SGSM2: variants seen among roughly 807,000 people sequenced by gnomAD.
SGSM2 encodes small G protein signaling modulator 2.
In SGSM2, 89 loss-of-function variants were observed where a neutral mutation model predicts 126.6. That is an observed-to-expected ratio of 0.70 (90% CI 0.59 to 0.84). The LOEUF (loss-of-function observed/expected upper bound fraction) is 0.84, where lower values mean the gene tolerates loss of function less well. Ranked by LOEUF, SGSM2 falls within the 40% of genes least tolerant of loss-of-function variation. The probability of loss-of-function intolerance (pLI) is 0.00; values close to 1 mark genes in which losing one functional copy is unlikely to be tolerated. For missense variants in SGSM2, 1,404 were observed against 1,416.6 expected, an observed-to-expected ratio of 0.99 and a Z score of 0.14; for synonymous variants, 614 against 574.3, an observed-to-expected ratio of 1.07 and a Z score of -0.99.
Position 2,372,795 on chromosome 17 carries a change from G to A in SGSM2, c.1789-158G>A, listed in dbSNP as rs2065935489. 9.9e-7 allele frequency: 1 copy of A among 1,009,808 alleles called. No individual in the cohort carries two copies. The highest frequency in any genetic ancestry group is 1.4e-6 in the Non-Finnish European group (1 of 703,684). The allele number at this position is 1,009,808 out of a possible 1,614,324, so 62.6% of individuals were successfully genotyped here. A position where few individuals can be genotyped will look rare whatever the true frequency, so the allele number is the denominator to read the frequency against. On this transcript the variant is annotated intron_variant, in intron 15 of 23. Transcript: ENST00000268989. This position sits in a 1 kb window ranked among gnomAD's most constrained non-coding sequence, Gnocchi z 6.0. ...CGAGATCTCATCCCACTGTGAGCTGGGGCACGGGAGGACGTGGCCACCCCA... is the reference window on the plus strand; with the variant it reads ...CGAGATCTCATCCCACTGTGAGCTGAGGCACGGGAGGACGTGGCCACCCCA...
In SGSM2 at chr17:2,372,019, G is replaced by C; in HGVS notation, c.1578-171G>C. 1 of 745,178 alleles carries C rather than the reference G, an allele frequency of 1.3e-6. No individual in the cohort carries two copies. Among genetic ancestry groups the C allele is most frequent in the Non-Finnish European group, 2.2e-6 (1 of 451,600 alleles). The allele number at this position is 745,178 out of a possible 1,614,324, so 46.2% of individuals were successfully genotyped here. A position where few individuals can be genotyped will look rare whatever the true frequency, so the allele number is the denominator to read the frequency against. ...CGGGGGCCCCACAGCACTCTGTCCAGGTGGCAGGCAGGGACAGGGCACCCA... is the reference window on the plus strand; with the variant it reads ...CGGGGGCCCCACAGCACTCTGTCCACGTGGCAGGCAGGGACAGGGCACCCA... On this transcript the variant is annotated intron_variant, in intron 13 of 23. Coordinates refer to ENST00000268989, the MANE Select transcript of SGSM2 (RefSeq NM_014853.3). The surrounding 1 kb of genome is among the most constrained non-coding windows in gnomAD (Gnocchi z 6.0).
intron 2 of SGSM2, among the ~76,000 whole-genome samples, chr17:2,355,127 G>A (rs1187581508): frequency 4.4e-5 from 1 of 22,798 alleles, no homozygotes; most frequent in African/African-American, 2.0e-4. Flanking sequence ...TGGAATCGGG[G>A]TGTAAGGGTT....
At chr17:2,377,640 T>C (rs2429917) in intron 21 of SGSM2, 384,017 of 450,188 alleles carry the variant, frequency 0.85, 165,177 homozygotes, top group East Asian at 1. Flanking sequence ...ATAATGCAGC[T>C]CAGAGAGATG....
At chr17:2,364,733 T>C in intron 9 of SGSM2, 70 bp downstream of exon 9, 2 of 1,584,598 alleles carry the variant, frequency 1.3e-6, no homozygotes, top group Non-Finnish European at 1.7e-6. Flanking sequence ...GCACTGTGCG[T>C]GGGGCCTGTA....
chr17:2,362,081 ACTCCTGGAGCC>A lies in SGSM2; in HGVS notation c.297-23_297-13del. On this transcript the variant is annotated splice_polypyrimidine_tract_variant and intron_variant, in intron 3 of 23. Transcript: ENST00000268989. This position sits in a 1 kb window ranked among gnomAD's most constrained non-coding sequence, Gnocchi z 4.9. ...CTGGGGTTTACCCCTAGACCACTGC[ACTCCTGGAGCC>A]CTCCCCGCCTTTGCAGGAAACCCTC... 6.3e-7 allele frequency: 1 copy of A among 1,597,922 alleles called. No homozygotes were observed. The highest frequency in any genetic ancestry group is 8.5e-7 in the Non-Finnish European group (1 of 1,173,964).
At chr17:2,377,123 T>A in intron 21 of SGSM2, 55 bp downstream of exon 21, 1 of 1,083,034 alleles carries the variant, frequency 9.2e-7, no homozygotes, top group South Asian at 1.4e-5. Flanking sequence ...GGCTGGTCCA[T>A]CGTCCACATG....
Position 2,337,840 on chromosome 17 carries a change from CGGGCCGAACCT to C in SGSM2, c.57+102_57+112del. 1 of 879,262 alleles carries C rather than the reference CGGGCCGAACCT, an allele frequency of 1.1e-6. No individual in the cohort carries two copies. Among genetic ancestry groups the C allele is most frequent in the Non-Finnish European group, 1.6e-6 (1 of 642,958 alleles). 54.5% of individuals were successfully genotyped at this position (879,262 alleles called of 1,614,324 possible). ...GCGCCCACCCCCCGGCGCGGGCACC[CGGGCCGAACCT>C]GGGCCGGGCGGGGCGGGTCCTGGAC... On this transcript the variant is annotated intron_variant, in intron 1 of 23. Transcript: ENST00000268989. The surrounding 1 kb of genome is among the most constrained non-coding windows in gnomAD (Gnocchi z 5.1).
At position 2,362,961 on chromosome 17, in the gene SGSM2, T is replaced by C. The variant is rs999032609; in HGVS notation, c.527-28T>C. The C allele has an allele frequency of 1.2e-6, 2 of 1,613,932 alleles. No individual in the cohort carries two copies. Among genetic ancestry groups the C allele is most frequent in the African/African-American group, 2.7e-5 (2 of 74,934 alleles). ...CGGGGCAGGTGCTGAGGGAGCATCGTCTGGGCTGGCTGTCTCTGTCTCCAC... is the reference window on the plus strand; with the variant it reads ...CGGGGCAGGTGCTGAGGGAGCATCGCCTGGGCTGGCTGTCTCTGTCTCCAC... On this transcript the variant is annotated intron_variant, in intron 5 of 23. Coordinates refer to ENST00000268989, the MANE Select transcript of SGSM2 (RefSeq NM_014853.3). The surrounding 1 kb of genome is among the most constrained non-coding windows in gnomAD (Gnocchi z 4.9).
intron 1 of SGSM2, among the ~76,000 whole-genome samples, chr17:2,342,475 A>C (rs547788927): frequency 6.6e-6 from 1 of 151,998 alleles, no homozygotes; most frequent in Non-Finnish European, 1.5e-5. Flanking sequence ...GTCGTGTTGG[A>C]ATCAGGAGAG....
rs534779949 is a variant in SGSM2 at position 2,376,374 on chromosome 17, T to C, written c.2609+113T>C. On this transcript the variant is annotated intron_variant, in intron 19 of 23. Transcript: ENST00000268989. ...CTCTCTCCTGCTCCTGAATCACACT[T>C]GGCTCCCCCTGCCTGGAACGCTTTT... 51 of 1,402,648 alleles carry C rather than the reference T, an allele frequency of 3.6e-5. No homozygotes were observed. In the African/African-American group the frequency reaches 7.1e-4, roughly 19 times the overall value. 86.9% of individuals were successfully genotyped at this position (1,402,648 alleles called of 1,614,324 possible).
chr17:2,350,634 C>T (rs1174261161), intron 2 of SGSM2, among the ~76,000 whole-genome samples: 1 of 151,828 alleles, frequency 6.6e-6, no homozygotes, highest in Non-Finnish European at 1.5e-5. Flanking sequence ...AACAAAAAAA[C>T]AAGACATAAG....
chr17:2,342,261 C>CAA lies in SGSM2; in HGVS notation c.58-1269_58-1268dup, dbSNP rs570717792. 2.1e-4 allele frequency among the ~76,000 whole-genome samples: 14 copies of CAA among 67,856 alleles called. No homozygotes were observed. In the East Asian group the frequency reaches 3.2e-3, roughly 15 times the overall value. The allele number at this position is 67,856 out of a possible 152,430, so 44.5% of individuals were successfully genotyped here. ...AGAAACCCCGTCTCTACTAAAAATA[C>CAA]AAAAAAAAAAAAAAAAGCCAGGTGT... is the stretch of plus-strand genomic sequence containing the variant. On this transcript the variant is annotated intron_variant, in intron 1 of 23. Coordinates refer to ENST00000268989, the MANE Select transcript of SGSM2 (RefSeq NM_014853.3).
chr17:2,365,306 T>TC lies in SGSM2; in HGVS notation c.1255dup (p.Arg419ProfsTer15), dbSNP rs2065513007. The TC allele has an allele frequency of 6.3e-7, 1 of 1,580,742 alleles. No individual in the cohort carries two copies. ...ACGGGGCGGGCCACCGACTATGTGTTCCGGATCATCTACCCCGGCCACAGG... is the reference window on the plus strand; with the variant it reads ...ACGGGGCGGGCCACCGACTATGTGTTCCCGGATCATCTACCCCGGCCACAGG... On this transcript the variant is annotated frameshift_variant, in exon 11 of 24. Transcript: ENST00000268989. LOFTEE classifies it high-confidence loss of function.
chr17:2,366,736 C>G (rs1365185279), intron 11 of SGSM2: 1 of 152,618 alleles, frequency 6.6e-6, no homozygotes, highest in Non-Finnish European at 1.5e-5. Flanking sequence ...AAGGGCAAGC[C>G]AGGGCACCCA....
chr17:2,361,243 C>T (rs1261070250), intron 2 of SGSM2, among the ~76,000 whole-genome samples: 2 of 152,228 alleles, frequency 1.3e-5, no homozygotes, highest in Non-Finnish European at 2.9e-5. Context: ...TCCTTAGCAA[C>T]CGCATCCTCC....
Position 2,371,379 on chromosome 17 carries a change from A to C in SGSM2, c.1541A>C (p.His514Pro). The change falls in exon 13 of 24, where the codon CAT (histidine) becomes CCT (proline). Residue 514 changes from histidine to proline, a missense_variant. Physicochemically the swap from His to Pro is moderately conservative, Grantham distance 77 (BLOSUM62 -2). Coordinates refer to ENST00000268989, the MANE Select transcript of SGSM2 (RefSeq NM_014853.3). ...TCCTGCTCCTCCAGCAGCTCCCCAC[A>C]TGCAACCCCCAGCCACTGTAGCTGC... is the stretch of plus-strand genomic sequence containing the variant. ...CLSCSSSSSPHATPSHCSCIP... is the reference protein window; with the variant it reads ...CLSCSSSSSPPATPSHCSCIP... 1 of 1,610,868 alleles carries C rather than the reference A, an allele frequency of 6.2e-7. No homozygotes were observed. Among genetic ancestry groups the C allele is most frequent in the Non-Finnish European group, 8.5e-7 (1 of 1,178,942 alleles).
At chr17:2,361,827 C>A in intron 3 of SGSM2, 28 bp downstream of exon 3, 1 of 1,560,160 alleles carries the variant, frequency 6.4e-7, no homozygotes, top group South Asian at 1.2e-5. Context: ...CCCTTCTTCC[C>A]TCCTTTCAGC....
Position 2,362,349 on chromosome 17 carries a change from A to G in SGSM2, c.458+79A>G, listed in dbSNP as rs2065350195. On this transcript the variant is annotated intron_variant, in intron 4 of 23. Coordinates refer to ENST00000268989, the MANE Select transcript of SGSM2 (RefSeq NM_014853.3). The surrounding 1 kb of genome is among the most constrained non-coding windows in gnomAD (Gnocchi z 4.9). ...CTGCAGGTGACCGCCCCGTTCCCCAAAAACTGCAGGTGACCGCCCCGTTCC... is the reference window on the plus strand; with the variant it reads ...CTGCAGGTGACCGCCCCGTTCCCCAGAAACTGCAGGTGACCGCCCCGTTCC... The G allele has an allele frequency of 1.4e-6, 2 of 1,468,384 alleles. No individual in the cohort carries two copies. Among genetic ancestry groups the G allele is most frequent in the Non-Finnish European group, 9.2e-7 (1 of 1,092,182 alleles). 91.0% of individuals were successfully genotyped at this position (1,468,384 alleles called of 1,614,324 possible). A position where few individuals can be genotyped will look rare whatever the true frequency, so the allele number is the denominator to read the frequency against.
rs146095766 is a variant in SGSM2 at position 2,365,049 on chromosome 17, C to A, written c.1153C>A (p.Gln385Lys). ...GQLEPPLWTQQGKGKVFPKLR... is the reference protein window; with the variant it reads ...GQLEPPLWTQKGKGKVFPKLR... The stretch of plus-strand genomic sequence containing the variant: ...GCTAGAGCCCCCGCTGTGGACCCAG[C>A]AAGGGAAGGTAACTCGGGTGGGAGG... Residue 385 changes from glutamine (Q) to lysine (K), a missense_variant, in exon 10 of 24, where the codon CAA becomes AAA. Coordinates refer to ENST00000268989, the MANE Select transcript of SGSM2 (RefSeq NM_014853.3). The A allele has an allele frequency of 2.5e-6, 4 of 1,612,328 alleles. No homozygotes were observed. The African/African-American group carries it at 5.3e-5, about 22-fold the overall frequency.
Sources: gnomAD v4.1 joint callset for allele counts (sites outside exome capture counted in the v4.1 genomes callset) on GRCh38, gnomAD v4.1.1 for gene constraint, Gnocchi (gnomAD v3.1) non-coding constraint, MANE v1.5 for transcripts, NCBI Gene and HGNC (gene_info 2026-07-23, HGNC 2026-07-21) for gene names.